The following CNTN5 variants were observed in gnomAD, a reference collection of about 807,000 sequenced individuals.
CNTN5 encodes contactin 5, also known as contactin-5.
CNTN5 carries 77 observed loss-of-function variants against 129.1 expected under a neutral mutation model. The observed-to-expected ratio is 0.60, with a 90% CI of 0.50 to 0.72. The LOEUF (loss-of-function observed/expected upper bound fraction) is 0.72. Ranked by LOEUF, CNTN5 falls within the 30% of genes least tolerant of loss-of-function variation. The pLI is 0.00. For synonymous variants in CNTN5, 509 were observed against 465.6 expected (o/e 1.09, Z -1.20); for missense variants, 1,478 against 1,328.8 (o/e 1.11, Z -1.75).
intron 1 of CNTN5, among the ~76,000 whole-genome samples, chr11:99,062,773 T>C (rs896123130): frequency 6.6e-6 from 1 of 152,126 alleles, no homozygotes; most frequent in Non-Finnish European, 1.5e-5. Flanking sequence ...AACAATGCCA[T>C]TGATAAAATG....
At chr11:99,198,256 A>T (rs558585826) in intron 1 of CNTN5, among the ~76,000 whole-genome samples, 1 of 152,148 alleles carries the variant, frequency 6.6e-6, no homozygotes, top group African/African-American at 2.4e-5. Context: ...AACAACTGTC[A>T]TATGGGAAGC....
At chr11:99,908,976 C>A (rs1435214096) in intron 6 of CNTN5, among the ~76,000 whole-genome samples, 1 of 151,930 alleles carries the variant, frequency 6.6e-6, no homozygotes, top group Non-Finnish European at 1.5e-5. Context: ...TTATATATAA[C>A]CAGAGAAAAA....
chr11:99,299,307 A>G (rs1418105015), intron 1 of CNTN5, among the ~76,000 whole-genome samples: 13 of 152,194 alleles, frequency 8.5e-5, no homozygotes, highest in Admixed American at 7.9e-4. Context: ...ATAATACATG[A>G]TAACAGTGTC....
At chr11:99,112,448 CAA>C (rs150840364) in intron 1 of CNTN5, among the ~76,000 whole-genome samples, 2,503 of 151,962 alleles carry the variant, frequency 0.016, 55 homozygotes, top group African/African-American at 0.056. Context: ...AGTATAAAAA[CAA>C]AGATTTATTA....
At chr11:99,618,630 A>G (rs1565353632) in intron 3 of CNTN5, among the ~76,000 whole-genome samples, 1 of 152,212 alleles carries the variant, frequency 6.6e-6, no homozygotes, top group Non-Finnish European at 1.5e-5. Context: ...GAGGAAAACT[A>G]CAATGATTAA....
At chr11:100,144,297 C>G (rs766429957) in intron 13 of CNTN5, among the ~76,000 whole-genome samples, 1 of 151,822 alleles carries the variant, frequency 6.6e-6, no homozygotes, top group Non-Finnish European at 1.5e-5. Context: ...GCTGGGGTTT[C>G]GGCTTCTATT....
chr11:99,709,664 T>G (rs1954891484), intron 3 of CNTN5, among the ~76,000 whole-genome samples: 1 of 151,912 alleles, frequency 6.6e-6, no homozygotes, highest in Admixed American at 6.6e-5. Flanking sequence ...ATTAACAGGT[T>G]TTTAATAAGT....
chr11:99,389,487 T>C (rs1426253561), intron 2 of CNTN5, among the ~76,000 whole-genome samples: 3 of 152,194 alleles, frequency 2.0e-5, no homozygotes, highest in Non-Finnish European at 4.4e-5. Flanking sequence ...TTGAGTCTTA[T>C]AACTTTAACT....
chr11:100,042,369 A>G (rs76091882), intron 9 of CNTN5, among the ~76,000 whole-genome samples: 4,798 of 152,180 alleles, frequency 0.032, 120 homozygotes, highest in African/African-American at 0.074. Context: ...AAGATATACA[A>G]TGTTTCCTTT....
At chr11:99,477,978 A>AC (rs977921427) in intron 2 of CNTN5, among the ~76,000 whole-genome samples, 5 of 152,030 alleles carry the variant, frequency 3.3e-5, no homozygotes, top group African/African-American at 1.2e-4. Flanking sequence ...GCAGAGGTTT[A>AC]GTTGGAGATG....
At chr11:99,146,384 A>G (rs1300057702) in intron 1 of CNTN5, among the ~76,000 whole-genome samples, 4 of 152,174 alleles carry the variant, frequency 2.6e-5, no homozygotes, top group Non-Finnish European at 5.9e-5. Flanking sequence ...ATTTTCATTT[A>G]AATTATTCTG....
At chr11:99,355,978 C>A (rs980337392) in intron 2 of CNTN5, among the ~76,000 whole-genome samples, 1 of 151,912 alleles carries the variant, frequency 6.6e-6, no homozygotes, top group Non-Finnish European at 1.5e-5. Flanking sequence ...ATGTGGCCAC[C>A]ACCACACCCA....
chr11:100,263,765 C>A (rs1390786690), intron 17 of CNTN5, among the ~76,000 whole-genome samples: 1 of 152,144 alleles, frequency 6.6e-6, no homozygotes, highest in Non-Finnish European at 1.5e-5. Flanking sequence ...TTTGGCTCTG[C>A]AGCCAGGAGA....
intron 13 of CNTN5, among the ~76,000 whole-genome samples, chr11:100,129,569 T>C (rs1056732220): frequency 6.6e-6 from 1 of 152,166 alleles, no homozygotes; most frequent in African/African-American, 2.4e-5. Context: ...GGCATAAATA[T>C]ATGGCTCTCT....
At chr11:99,044,297 A>G (rs960771163) in intron 1 of CNTN5, among the ~76,000 whole-genome samples, 3 of 152,168 alleles carry the variant, frequency 2.0e-5, no homozygotes, top group Non-Finnish European at 2.9e-5. Flanking sequence ...CTATCCCTTT[A>G]TAAGTCCCAA....
intron 10 of CNTN5, among the ~76,000 whole-genome samples, chr11:100,063,508 G>A (rs1430596195): frequency 6.6e-6 from 1 of 151,984 alleles, no homozygotes; most frequent in Non-Finnish European, 1.5e-5. Flanking sequence ...CCCATGTTTA[G>A]GGTAGCTTTC....
At chr11:99,286,213 C>G (rs1268252688) in intron 1 of CNTN5, among the ~76,000 whole-genome samples, 1 of 152,146 alleles carries the variant, frequency 6.6e-6, no homozygotes, top group Non-Finnish European at 1.5e-5. Flanking sequence ...GGTACCCGCT[C>G]TGTTTCAGTT....
intron 2 of CNTN5, among the ~76,000 whole-genome samples, chr11:99,377,633 G>T (rs147508953): frequency 2.2e-4 from 33 of 152,038 alleles, no homozygotes; most frequent in African/African-American, 7.7e-4. Flanking sequence ...TAACTTCATC[G>T]CTACTCTCAC....
At chr11:100,335,859 C>T (rs1228549310) in intron 21 of CNTN5, among the ~76,000 whole-genome samples, 2 of 151,782 alleles carry the variant, frequency 1.3e-5, no homozygotes, top group Admixed American at 6.6e-5. Context: ...CTGTCTGCCA[C>T]TAATATTATG....
Sources: gnomAD v4.1 joint callset for allele counts (sites outside exome capture counted in the v4.1 genomes callset) on GRCh38, gnomAD v4.1.1 for gene constraint, MANE v1.5 for transcripts, NCBI Gene and HGNC (gene_info 2026-07-23, HGNC 2026-07-21) for gene names.